MECOM: variants seen among roughly 807,000 people sequenced by gnomAD.
MECOM encodes the protein MDS1 and EVI1 complex locus.
Under a neutral mutation model 116.3 loss-of-function variants are expected in MECOM, and 13 were observed. The ratio of observed to expected loss-of-function variants is 0.11; its 90% CI spans 0.07 to 0.18. MECOM has a LOEUF of 0.18. MECOM is among the 10% of genes least tolerant of loss of function. The probability of loss-of-function intolerance (pLI) is 1.00; values close to 1 mark genes in which losing one functional copy is unlikely to be tolerated. For missense variants in MECOM, 1,299 were observed against 1,509.0 expected (o/e 0.86, Z 2.31); for synonymous variants, 528 against 535.2 (o/e 0.99, Z 0.19).
chr3:169,206,110 T>C (rs1023857794), intron 2 of MECOM, among the ~76,000 whole-genome samples: 2 of 152,126 alleles, frequency 1.3e-5, no homozygotes, highest in African/African-American at 4.8e-5. Flanking sequence ...TGTAGTCATG[T>C]TTGTGAATCT....
At chr3:169,219,202 G>C (rs1751787009) in intron 2 of MECOM, among the ~76,000 whole-genome samples, 1 of 151,932 alleles carries the variant, frequency 6.6e-6, no homozygotes, top group African/African-American at 2.4e-5. Flanking sequence ...TCTATATTAG[G>C]TCCTTTAAAA....
At position 169,626,483 on chromosome 3, in the gene MECOM, CCTCT is replaced by C. The variant is rs143670750; in HGVS notation, c.37+36849_37+36852del. 5.3e-5 allele frequency among the ~76,000 whole-genome samples: 8 copies of C among 150,996 alleles called. No individual in the cohort carries two copies. The East Asian group carries it at 9.7e-4, about 18-fold the overall frequency. ...AGGAAATGTCACATCTGTAACTATT[CCTCT>C]CTCTCTCTCTCACTCAACAAAAAGA... On this transcript the variant is annotated intron_variant, in intron 1 of 16. Coordinates refer to ENST00000651503, the MANE Select transcript of MECOM (RefSeq NM_004991.4).
At chr3:169,505,985 G>A (rs988040288) in intron 1 of MECOM, among the ~76,000 whole-genome samples, 1 of 152,140 alleles carries the variant, frequency 6.6e-6, no homozygotes. Flanking sequence ...TCCAAACAAG[G>A]AGGACAAGAG....
chr3:169,592,366 A>G (rs1336409707), intron 1 of MECOM, among the ~76,000 whole-genome samples: 1 of 152,082 alleles, frequency 6.6e-6, no homozygotes, highest in Non-Finnish European at 1.5e-5. Flanking sequence ...TCCTCAGCCA[A>G]CTGCAGCCTA....
intron 2 of MECOM, among the ~76,000 whole-genome samples, chr3:169,242,871 T>C (rs1287698213): frequency 1.3e-5 from 2 of 150,560 alleles, no homozygotes; most frequent in African/African-American, 4.9e-5. Flanking sequence ...TTTTTTTTTC[T>C]TTTCCTTAGC....
chr3:169,226,981 A>T (rs1178903457), intron 2 of MECOM, among the ~76,000 whole-genome samples: 1 of 152,160 alleles, frequency 6.6e-6, no homozygotes, highest in Non-Finnish European at 1.5e-5. Context: ...GAGGTGTCTA[A>T]CTTCACCCAT....
At chr3:169,290,876 GT>G (rs1261885318) in intron 2 of MECOM, among the ~76,000 whole-genome samples, 1 of 152,086 alleles carries the variant, frequency 6.6e-6, no homozygotes, top group Non-Finnish European at 1.5e-5. Context: ...TATGGTGGTG[GT>G]TTTCATGTTT....
intron 2 of MECOM, among the ~76,000 whole-genome samples, chr3:169,220,258 A>T (rs1184144084): frequency 6.6e-6 from 1 of 152,126 alleles, no homozygotes; most frequent in African/African-American, 2.4e-5. Flanking sequence ...TGGGAGGCAG[A>T]GGCTGCCTGC....
At chr3:169,212,179 C>G (rs1051535500) in intron 2 of MECOM, among the ~76,000 whole-genome samples, 7 of 151,988 alleles carry the variant, frequency 4.6e-5, no homozygotes, top group African/African-American at 1.7e-4. Context: ...TTTTCTCTCT[C>G]TCCTTCCACT....
At chr3:169,199,500 A>G (rs1396395944) in intron 2 of MECOM, among the ~76,000 whole-genome samples, 3 of 152,008 alleles carry the variant, frequency 2.0e-5, no homozygotes, top group African/African-American at 7.2e-5. Context: ...TACAGTCTCA[A>G]ACTCCTGGCC....
rs1318050925 is a variant in MECOM at position 169,116,297 on chromosome 3, T to A, written c.1575A>T (p.Gln525His). 1 of 1,614,196 alleles carries A rather than the reference T, an allele frequency of 6.2e-7. No individual in the cohort carries two copies. Among genetic ancestry groups the A allele is most frequent in the South Asian group, 1.1e-5 (1 of 91,086 alleles). ...TCTGAGGATGTGTCATGAGGGGACT[T>A]TGACTTTTGTTTGTCTGTTCAGTAC... ...LSSTEQTNKS[Q>H]SPLMTHPQIL... Residue 525 changes from glutamine (Q) to histidine (H), a missense_variant, in exon 8 of 17, where the codon CAA (glutamine) becomes CAT (histidine). Gln to His is a conservative substitution (Grantham distance 24). This residue lies in a region of MECOM where 238 missense variants were observed against 273.1 expected (regional missense o/e 0.87). Coordinates refer to ENST00000651503, the MANE Select transcript of MECOM (RefSeq NM_004991.4).
intron 1 of MECOM, among the ~76,000 whole-genome samples, chr3:169,430,441 T>C (rs1741428426): frequency 6.6e-6 from 1 of 152,174 alleles, no homozygotes; most frequent in Non-Finnish European, 1.5e-5. Context: ...TTTAAGCCAG[T>C]AATTTTTTTC....
At chr3:169,421,734 C>A (rs571515831) in intron 1 of MECOM, among the ~76,000 whole-genome samples, 252 of 151,654 alleles carry the variant, frequency 1.7e-3, no homozygotes, top group African/African-American at 5.9e-3. Flanking sequence ...GTTTACAATT[C>A]TTTTCTGCAT....
At chr3:169,241,726 C>T (rs774148751) in intron 2 of MECOM, among the ~76,000 whole-genome samples, 8 of 152,070 alleles carry the variant, frequency 5.3e-5, no homozygotes, top group Non-Finnish European at 8.8e-5. Flanking sequence ...ACCACTAATA[C>T]CCAGGAAAGA....
chr3:169,383,920 C>T (rs745825523), intron 1 of MECOM, among the ~76,000 whole-genome samples: 4 of 152,138 alleles, frequency 2.6e-5, no homozygotes, highest in Non-Finnish European at 5.9e-5. Flanking sequence ...GCACCTCTGC[C>T]CGACAAACTT....
intron 16 of MECOM, chr3:169,086,464 A>G: frequency 4.6e-6 from 3 of 653,908 alleles, no homozygotes; most frequent in Non-Finnish European, 8.2e-6. Context: ...TACAAAGAAA[A>G]TTTTGGAATT....
chr3:169,652,319 A>G (rs1004081983), intron 1 of MECOM, among the ~76,000 whole-genome samples: 1 of 152,204 alleles, frequency 6.6e-6, no homozygotes, highest in Non-Finnish European at 1.5e-5. Context: ...TCATTTTATC[A>G]TGAAACATTT....
At position 169,517,673 on chromosome 3, in the gene MECOM, AC is replaced by A. The variant is rs1481704781; in HGVS notation, c.38-136150del. ...ATTTTCTAAACATTACAGTAGAAGA[AC>A]CCCTAAGCCAGAATTGATGGCAGCT... On this transcript the variant is annotated intron_variant, in intron 1 of 16. Transcript: ENST00000651503. 2.6e-5 allele frequency among the ~76,000 whole-genome samples: 4 copies of A among 152,302 alleles called. No individual in the cohort carries two copies. The South Asian group carries it at 8.3e-4, about 32-fold the overall frequency.
intron 2 of MECOM, among the ~76,000 whole-genome samples, chr3:169,232,519 A>C (rs189345851): frequency 6.6e-6 from 1 of 152,190 alleles, no homozygotes; most frequent in African/African-American, 2.4e-5. Flanking sequence ...CGAGCTGTGA[A>C]TTTGGAGAGA....
Sources: allele counts gnomAD v4.1 joint callset (sites outside exome capture counted in the v4.1 genomes callset), GRCh38; gene constraint gnomAD v4.1.1; regional missense constraint gnomAD v4.1.1; transcripts MANE v1.5; gene names NCBI Gene and HGNC (gene_info 2026-07-23, HGNC 2026-07-21).